The following SPEF2 variants were observed in gnomAD, a reference collection of about 807,000 sequenced individuals.
SPEF2 encodes sperm flagella and cilia-associated protein 2.
A neutral mutation model predicts 224.6 loss-of-function variants in SPEF2; 187 were observed. That is an observed-to-expected ratio of 0.83 (90% confidence interval 0.74 to 0.94). The LOEUF is 0.94. Ranked by LOEUF, SPEF2 falls within the 40% of genes least tolerant of loss-of-function variation. SPEF2 has a pLI of 0.00. For synonymous variants in SPEF2, 715 were observed against 707.3 expected (o/e 1.01, Z -0.17); for missense variants, 2,170 against 2,135.6 (o/e 1.02, Z -0.32).
At chr5:35,763,851 G>A in intron 26 of SPEF2, 149 bp downstream of exon 26, 1 of 709,964 alleles carries the variant, frequency 1.4e-6, no homozygotes, top group Non-Finnish European at 2.1e-6. Context: ...GAAAGAAATA[G>A]AGAAATGTGA....
chr5:35,807,430 C>T (rs1011687272), intron 36 of SPEF2, among the ~76,000 whole-genome samples, 177 bp downstream of exon 36: 3 of 152,138 alleles, frequency 2.0e-5, no homozygotes, highest in Non-Finnish European at 2.9e-5. Flanking sequence ...GCCTGAAATA[C>T]CCAAAGGGCA....
intron 26 of SPEF2, among the ~76,000 whole-genome samples, chr5:35,766,148 T>A (rs10941262): frequency 0.27 from 41,760 of 151,922 alleles, 5,933 homozygotes; most frequent in African/African-American, 0.33. Flanking sequence ...ACTAGCTTAA[T>A]AAATCAAGTC....
chr5:35,724,694 G>A (rs1744333127), intron 20 of SPEF2, among the ~76,000 whole-genome samples: 2 of 152,114 alleles, frequency 1.3e-5, no homozygotes, highest in Non-Finnish European at 2.9e-5. Flanking sequence ...TTCCTCATCT[G>A]TGAAATGGAG....
intron 36 of SPEF2, among the ~76,000 whole-genome samples, chr5:35,809,961 A>G (rs1189392116): frequency 6.6e-6 from 1 of 152,190 alleles, no homozygotes; most frequent in Non-Finnish European, 1.5e-5. Flanking sequence ...ATTGCTGATT[A>G]CAAGTAGGAG....
chr5:35,635,612 A>G (rs1416454246), intron 2 of SPEF2, among the ~76,000 whole-genome samples: 2 of 152,212 alleles, frequency 1.3e-5, no homozygotes, highest in Non-Finnish European at 2.9e-5. Flanking sequence ...ATTCCTATGT[A>G]TAATGTTAAC....
chr5:35,779,386 G>A (rs369771293), intron 30 of SPEF2, 40 bp downstream of exon 30: 7 of 1,501,226 alleles, frequency 4.7e-6, no homozygotes, highest in Admixed American at 1.9e-5. Flanking sequence ...ACAAAAAAAG[G>A]TTAAGATTAA....
At chr5:35,630,672 G>T (rs1481426507) in intron 2 of SPEF2, among the ~76,000 whole-genome samples, 2 of 152,004 alleles carry the variant, frequency 1.3e-5, no homozygotes, top group African/African-American at 4.8e-5. Context: ...CTCCAGCCTG[G>T]GCAGCAGAGC....
chr5:35,726,775 C>T (rs1398449178), intron 20 of SPEF2, among the ~76,000 whole-genome samples: 1 of 152,106 alleles, frequency 6.6e-6, no homozygotes, highest in South Asian at 2.1e-4. Flanking sequence ...GAATTTTAAA[C>T]GGAGTGAATT....
chr5:35,763,376 T>C (rs1751613054), intron 25 of SPEF2, 146 bp from the exon 26 acceptor site: 2 of 780,570 alleles, frequency 2.6e-6, no homozygotes, highest in Admixed American at 3.4e-5. Context: ...TTTTATAATC[T>C]TTTCTCCATT....
chr5:35,733,609 T>A (rs1746033515), intron 21 of SPEF2, among the ~76,000 whole-genome samples: 1 of 152,104 alleles, frequency 6.6e-6, no homozygotes, highest in South Asian at 2.1e-4. Flanking sequence ...GGACACAGCT[T>A]TAGGAGGCAG....
At position 35,659,534 on chromosome 5, in the gene SPEF2, T is replaced by A. The variant is rs189223458; in HGVS notation, c.1167+327T>A. Among the ~76,000 whole-genome samples, 10 of 152,334 alleles carry A rather than the reference T, an allele frequency of 6.6e-5. No individual in the cohort carries two copies. In the East Asian group the frequency reaches 1.9e-3, roughly 29 times the overall value. On this transcript the variant is annotated intron_variant, in intron 8 of 36. Coordinates refer to ENST00000356031, the MANE Select transcript of SPEF2 (RefSeq NM_024867.4). Reference sequence around the variant, plus strand: ...CAATAGGTTTCTCATGAAGGGCTCATGGAAACCATATTCCCTGAGTTCTTA... The same window carrying A: ...CAATAGGTTTCTCATGAAGGGCTCAAGGAAACCATATTCCCTGAGTTCTTA...
At chr5:35,797,790 C>T (rs1206555983) in intron 33 of SPEF2, among the ~76,000 whole-genome samples, 3 of 152,148 alleles carry the variant, frequency 2.0e-5, no homozygotes, top group Admixed American at 6.5e-5. Context: ...AATACCAAAT[C>T]GGAGAGAAAT....
At chr5:35,751,057 G>GC (rs1749471715) in intron 23 of SPEF2, among the ~76,000 whole-genome samples, 1 of 24,004 alleles carries the variant, frequency 4.2e-5, no homozygotes, top group Non-Finnish European at 9.9e-5. Context: ...ATATATATAC[G>GC]TATATATATG....
chr5:35,640,076 G>A (rs1746394155), intron 2 of SPEF2, among the ~76,000 whole-genome samples: 2 of 152,098 alleles, frequency 1.3e-5, no homozygotes, highest in South Asian at 4.1e-4. Context: ...GTAGGTAACT[G>A]AAGTATAACA....
At chr5:35,693,501 T>C (rs1370067270) in intron 12 of SPEF2, among the ~76,000 whole-genome samples, 3 of 152,154 alleles carry the variant, frequency 2.0e-5, no homozygotes, top group African/African-American at 7.2e-5. Context: ...CTTTTCATTA[T>C]TGCATGAAGA....
At chr5:35,729,320 C>G (rs1745224491) in intron 21 of SPEF2, among the ~76,000 whole-genome samples, 1 of 152,150 alleles carries the variant, frequency 6.6e-6, no homozygotes, top group Admixed American at 6.5e-5. Flanking sequence ...GAAGTAGATC[C>G]TTGGGCCTCA....
rs769179446 is a variant in SPEF2, at chr5:35,788,786, T to A, written c.4448-3554T>A. On this transcript the variant is annotated intron_variant, in intron 30 of 36. Transcript: ENST00000356031. ...TTGCTTTGCACATCACCTTGAACTATCTTACAAAGCGGTGTTCCAGAACAT... is the reference window on the plus strand; with the variant it reads ...TTGCTTTGCACATCACCTTGAACTAACTTACAAAGCGGTGTTCCAGAACAT... The A allele has an allele frequency of 1.6e-5, 11 of 702,894 alleles. No homozygotes were observed. The South Asian group carries it at 1.6e-4, about 10-fold the overall frequency. 43.5% of individuals were successfully genotyped at this position (702,894 alleles called of 1,614,324 possible). A position where few individuals can be genotyped will look rare whatever the true frequency, so the allele number is the denominator to read the frequency against.
At chr5:35,767,589 A>G (rs1000584861) in intron 26 of SPEF2, among the ~76,000 whole-genome samples, 1 of 152,066 alleles carries the variant, frequency 6.6e-6, no homozygotes, top group Admixed American at 6.6e-5. Context: ...GAAATTTAAA[A>G]TATCCAATCC....
rs935845894 is a variant in SPEF2 at position 35,794,639 on chromosome 5, G to A, written c.4738-1064G>A. The stretch of plus-strand genomic sequence containing the variant: ...TTAAGATTTTTAAAAGTGCGCACTC[G>A]TGAAATTACTGACCTTCGCTATTTA... On this transcript the variant is annotated intron_variant, in intron 32 of 36. Transcript: ENST00000356031. Among the ~76,000 whole-genome samples the A allele has an allele frequency of 5.3e-4, 81 of 152,168 alleles. 1 individual carries two copies. The highest frequency in any genetic ancestry group is 2.6e-4 in the Non-Finnish European group (18 of 68,028).
Sources: gnomAD v4.1 joint callset for allele counts (sites outside exome capture counted in the v4.1 genomes callset) on GRCh38, gnomAD v4.1.1 for gene constraint, MANE v1.5 for transcripts, NCBI Gene and HGNC (gene_info 2026-07-23, HGNC 2026-07-21) for gene names.